The following PDE4D variants were observed in gnomAD, a reference collection of about 807,000 sequenced individuals.
PDE4D encodes the protein 3',5'-cyclic-AMP phosphodiesterase 4D.
A neutral mutation model predicts 87.4 loss-of-function variants in PDE4D; 24 were observed. The observed-to-expected ratio is 0.27, with a 90% CI of 0.20 to 0.39. The LOEUF is 0.39. Among genes scored for constraint, PDE4D ranks in the 10% least tolerant of loss-of-function variants. The pLI is 1.00. For synonymous variants in PDE4D, 384 were observed against 383.2 expected, an observed-to-expected ratio of 1.00 and a Z score of -0.02; for missense variants, 714 against 1,041.0, an observed-to-expected ratio of 0.69 and a Z score of 4.32.
intron 1 of PDE4D, among the ~76,000 whole-genome samples, chr5:59,536,536 A>T (rs13170793): frequency 1.4e-5 from 2 of 139,678 alleles, no homozygotes; most frequent in Non-Finnish European, 1.6e-5. Flanking sequence ...AAAAAAAAAA[A>T]TTACCTTTTG....
intron 1 of PDE4D, among the ~76,000 whole-genome samples, chr5:60,287,355 C>A (rs371250636): frequency 4.6e-5 from 7 of 152,184 alleles, no homozygotes; most frequent in African/African-American, 1.7e-4. Flanking sequence ...ATAAACTCCA[C>A]CCTCGTATTG....
At chr5:59,147,299 AAG>A (rs1386541016) in intron 5 of PDE4D, among the ~76,000 whole-genome samples, 2 of 152,218 alleles carry the variant, frequency 1.3e-5, no homozygotes, top group Non-Finnish European at 2.9e-5. Flanking sequence ...CTTATAATGC[AAG>A]ACCACATCTT....
At chr5:59,639,610 A>T (rs1481777991) in intron 1 of PDE4D, among the ~76,000 whole-genome samples, 1 of 152,122 alleles carries the variant, frequency 6.6e-6, no homozygotes, top group African/African-American at 2.4e-5. Context: ...ACAACTGGGG[A>T]GTACATAATG....
At chr5:60,281,454 A>G (rs1023480193) in intron 1 of PDE4D, among the ~76,000 whole-genome samples, 2 of 152,208 alleles carry the variant, frequency 1.3e-5, no homozygotes, top group Admixed American at 6.5e-5. Context: ...TTCTATATCC[A>G]CACTACTTTA....
chr5:59,533,931 G>T (rs1251205073), intron 1 of PDE4D, among the ~76,000 whole-genome samples: 1 of 152,158 alleles, frequency 6.6e-6, no homozygotes, highest in African/African-American at 2.4e-5. Flanking sequence ...TTAAGGCTAA[G>T]TCATATCTAA....
chr5:59,834,716 T>C (rs1741745200), intron 1 of PDE4D, among the ~76,000 whole-genome samples: 1 of 152,068 alleles, frequency 6.6e-6, no homozygotes, highest in Non-Finnish European at 1.5e-5. Flanking sequence ...ATCAAATACA[T>C]TTCTGAACTG....
At chr5:59,799,486 G>A (rs916955629) in intron 1 of PDE4D, among the ~76,000 whole-genome samples, 2 of 152,168 alleles carry the variant, frequency 1.3e-5, no homozygotes, top group Admixed American at 6.5e-5. Context: ...TGAAATGCAG[G>A]TTTGGTTATT....
chr5:59,158,331 G>A (rs1389619305), intron 5 of PDE4D, among the ~76,000 whole-genome samples: 2 of 152,146 alleles, frequency 1.3e-5, no homozygotes, highest in Non-Finnish European at 2.9e-5. Flanking sequence ...CAGTCAAGCT[G>A]GAAAAGGTCT....
At chr5:60,096,158 A>C (rs1464975044) in intron 2 of PDE4D, among the ~76,000 whole-genome samples, 1 of 152,100 alleles carries the variant, frequency 6.6e-6, no homozygotes, top group Admixed American at 6.6e-5. Context: ...TTAGTTATGA[A>C]GCCTTTGCCC....
chr5:59,065,061 TATATATACACACACAC>T (rs1450540442), intron 5 of PDE4D, among the ~76,000 whole-genome samples: 60 of 16,534 alleles, frequency 3.6e-3, no homozygotes, highest in African/African-American at 6.7e-3. Context: ...AAATGTGATA[TATATATACACACACAC>T]ACACACACAC....
chr5:60,065,261 T>A (rs914870285), intron 2 of PDE4D, among the ~76,000 whole-genome samples: 1 of 139,674 alleles, frequency 7.2e-6, no homozygotes, highest in Non-Finnish European at 1.6e-5. Flanking sequence ...ATAGTGCAAG[T>A]GTGTGTGTCG....
rs374787050 is a variant in PDE4D at position 60,349,749 on chromosome 5, C to A, written c.-90+138193G>T. On this transcript the variant is annotated intron_variant, in intron 1 of 16. Transcript: ENST00000502484. ...TTTTTATATAGCAGGTAAGTAAATC[C>A]TAAATCCTAAATCTTTTTGAGGTTT... Among the ~76,000 whole-genome samples the A allele has an allele frequency of 6.6e-5, 10 of 152,224 alleles. No homozygotes were observed. The East Asian group carries it at 1.9e-3, about 29-fold the overall frequency.
intron 1 of PDE4D, among the ~76,000 whole-genome samples, chr5:60,311,385 A>G (rs1755027949): frequency 6.6e-6 from 1 of 152,242 alleles, no homozygotes. Context: ...GAAACCCTAC[A>G]AGCCAGACGA....
intron 3 of PDE4D, among the ~76,000 whole-genome samples, chr5:59,971,079 T>C (rs1301436179): frequency 1.3e-5 from 2 of 151,392 alleles, no homozygotes; most frequent in African/African-American, 4.9e-5. Context: ...AAATTGGAAA[T>C]CATCATTCTC....
intron 1 of PDE4D, among the ~76,000 whole-genome samples, chr5:59,251,829 A>T (rs898380141): frequency 6.6e-6 from 1 of 152,154 alleles, no homozygotes; most frequent in African/African-American, 2.4e-5. Context: ...ATTTACACCA[A>T]GGAATACCAT....
At chr5:59,428,500 A>T (rs1159483391) in intron 1 of PDE4D, among the ~76,000 whole-genome samples, 1 of 152,140 alleles carries the variant, frequency 6.6e-6, no homozygotes, top group Non-Finnish European at 1.5e-5. Context: ...TGATATGAAA[A>T]TAAACATAAA....
At chr5:59,731,507 C>A (rs10052716) in intron 1 of PDE4D, among the ~76,000 whole-genome samples, 7,178 of 152,148 alleles carry the variant, frequency 0.047, 194 homozygotes, top group South Asian at 0.063. Context: ...ACCAACAAAC[C>A]CTTAGATGAT....
chr5:59,683,546 A>C (rs2150372067), intron 1 of PDE4D, among the ~76,000 whole-genome samples: 1 of 152,302 alleles, frequency 6.6e-6, no homozygotes, highest in Non-Finnish European at 1.5e-5. Context: ...TACCTTACAT[A>C]TTTCGAGGAC....
At chr5:59,489,759 A>G (rs983041527) in intron 1 of PDE4D, among the ~76,000 whole-genome samples, 27 of 152,202 alleles carry the variant, frequency 1.8e-4, no homozygotes, top group African/African-American at 6.3e-4. Context: ...TTGCAATGAA[A>G]GAACTGTTGT....
Sources: gnomAD v4.1 joint callset for allele counts (sites outside exome capture counted in the v4.1 genomes callset) on GRCh38, gnomAD v4.1.1 for gene constraint, MANE v1.5 for transcripts, NCBI Gene and HGNC (gene_info 2026-07-23, HGNC 2026-07-21) for gene names.